The following EFTUD2 variants were observed in gnomAD, a reference collection of about 807,000 sequenced individuals.
EFTUD2 encodes elongation factor Tu GTP binding domain containing 2.
Under a neutral mutation model 114.3 loss-of-function variants are expected in EFTUD2, and 9 were observed. The observed-to-expected ratio is 0.08, with a 90% CI of 0.05 to 0.14. EFTUD2 has a LOEUF of 0.14. Among genes scored for constraint, EFTUD2 ranks in the 10% least tolerant of loss-of-function variants. EFTUD2 has a pLI of 1.00. For missense variants in EFTUD2, 765 were observed against 1,241.2 expected (o/e 0.62, Z 5.76); for synonymous variants, 449 against 462.3 (o/e 0.97, Z 0.37).
chr17:44,857,037 G>C, intron 20 of EFTUD2, 38 bp downstream of exon 20: 1 of 1,549,672 alleles, frequency 6.5e-7, no homozygotes. Context: ...GAGTGTCCAG[G>C]AGGCTGCAGT....
intron 2 of EFTUD2, 104 bp from the exon 3 acceptor site, chr17:44,886,854 C>A: frequency 6.7e-7 from 1 of 1,494,316 alleles, no homozygotes; most frequent in African/African-American, 1.4e-5. Flanking sequence ...TGCTGGCCAG[C>A]TTCTTATTCT....
chr17:44,873,405 G>A (rs908661373), intron 10 of EFTUD2, among the ~76,000 whole-genome samples: 5 of 152,148 alleles, frequency 3.3e-5, no homozygotes, highest in African/African-American at 1.2e-4. Flanking sequence ...GCCCAGGCTG[G>A]AGCACAGTGG....
At chr17:44,852,637 G>T in intron 25 of EFTUD2, 75 bp from the exon 26 acceptor site, 1 of 1,554,640 alleles carries the variant, frequency 6.4e-7, no homozygotes. Context: ...AGCATTTGCT[G>T]TCCCCCAAAT....
intron 20 of EFTUD2, among the ~76,000 whole-genome samples, chr17:44,856,612 AG>A (rs1431390502): frequency 6.6e-6 from 1 of 152,128 alleles, no homozygotes; most frequent in Non-Finnish European, 1.5e-5. Flanking sequence ...CCAAGATGGG[AG>A]GAACACTTGA....
intron 13 of EFTUD2, among the ~76,000 whole-genome samples, chr17:44,865,991 G>C (rs1306414375): frequency 6.6e-6 from 1 of 152,078 alleles, no homozygotes; most frequent in Non-Finnish European, 1.5e-5. Context: ...TATTTTGTGC[G>C]GAGATAAAGG....
chr17:44,859,062 C>T lies in EFTUD2; in HGVS notation c.1962+18G>A, dbSNP rs369215036. 1.7e-5 allele frequency: 27 copies of T among 1,557,650 alleles called. No homozygotes were observed. Among genetic ancestry groups the T allele is most frequent in the Admixed American group, 3.3e-5 (2 of 59,928 alleles). ...AAGTCTGGACCGTGAACCCAGCTCC[C>T]GGCAGATACTGCTGTACCTTGATGT... is the stretch of plus-strand genomic sequence containing the variant. On this transcript the variant is annotated intron_variant, in intron 19 of 27. Transcript: ENST00000426333.
chr17:44,882,455 C>T (rs2051089668), intron 6 of EFTUD2, among the ~76,000 whole-genome samples: 1 of 152,122 alleles, frequency 6.6e-6, no homozygotes, highest in Non-Finnish European at 1.5e-5. Context: ...AGAGTTTCGC[C>T]ATGTTGGCCA....
intron 19 of EFTUD2, chr17:44,857,565 C>A: frequency 4.5e-6 from 1 of 223,810 alleles, no homozygotes; most frequent in Non-Finnish European, 9.1e-6. Context: ...TGAAGCTCTG[C>A]CCTGAAGCCC....
chr17:44,892,052 G>C (rs1003992655), intron 2 of EFTUD2: 1 of 151,992 alleles, frequency 6.6e-6, no homozygotes, highest in African/African-American at 2.4e-5. Context: ...GAGCCACCAC[G>C]CCTGGCCTAT....
intron 4 of EFTUD2, 112 bp from the exon 5 acceptor site, chr17:44,883,836 G>A: frequency 1.1e-6 from 1 of 902,024 alleles, no homozygotes; most frequent in Non-Finnish European, 1.8e-6. Context: ...CAGACCAACT[G>A]GAGAGTGCTC....
intron 6 of EFTUD2, 112 bp from the exon 7 acceptor site, chr17:44,881,834 A>AAG (rs757368572): frequency 2.3e-4 from 225 of 980,368 alleles, no homozygotes; most frequent in South Asian, 1.6e-3. Context: ...TTTGAGATTA[A>AAG]AGAGAGAGAG....
intron 8 of EFTUD2, 59 bp downstream of exon 8, chr17:44,880,495 G>T: frequency 7.4e-7 from 1 of 1,344,698 alleles, no homozygotes; most frequent in Non-Finnish European, 1.1e-6. Context: ...CGAAAAGTGA[G>T]AGGACACACG....
chr17:44,862,560 T>C (rs1402345515), intron 16 of EFTUD2, among the ~76,000 whole-genome samples, 153 bp downstream of exon 16: 1 of 152,170 alleles, frequency 6.6e-6, no homozygotes, highest in Non-Finnish European at 1.5e-5. Context: ...AGGAAGAACT[T>C]GAAGTCAATA....
intron 2 of EFTUD2, among the ~76,000 whole-genome samples, chr17:44,892,487 A>C (rs2051296516): frequency 6.6e-6 from 1 of 152,284 alleles, no homozygotes; most frequent in Middle Eastern, 3.4e-3. Flanking sequence ...TGTTCTTTTC[A>C]CTAGGACATC....
intron 27 of EFTUD2, 63 bp downstream of exon 27, chr17:44,851,647 G>T (rs763479811): frequency 1.4e-6 from 2 of 1,436,632 alleles, no homozygotes; most frequent in East Asian, 2.4e-5. Context: ...GAAAGAGAGA[G>T]AGATCCTGCT....
intron 1 of EFTUD2, among the ~76,000 whole-genome samples, chr17:44,895,076 A>C (rs958771741): frequency 6.6e-6 from 1 of 152,292 alleles, no homozygotes; most frequent in Non-Finnish European, 1.5e-5. Context: ...CTGTTTTTAC[A>C]TGGCCCTCAA....
chr17:44,851,885 C>A, intron 26 of EFTUD2, 68 bp from the exon 27 acceptor site: 1 of 1,311,648 alleles, frequency 7.6e-7, no homozygotes, highest in African/African-American at 1.5e-5. Flanking sequence ...AGAAGCAGGA[C>A]TCTTCTTATT....
rs1408054257 is a variant in EFTUD2, at chr17:44,879,572, A to G, written c.686T>C (p.Ile229Thr). ...LRISDGVVLF[I>T]DAAEGVMLNT... ...CTGACTCACCCCCTCAGCAGCATCA[A>G]TGAAAAGGACCACTCCATCTGAGAT... is the stretch of plus-strand genomic sequence containing the variant. The change falls in exon 9 of 28, where the codon ATT (isoleucine) becomes ACT (threonine). Residue 229 changes from isoleucine (I) to threonine (T), a missense_variant. Around this residue, in one of 6 missense-constraint regions of EFTUD2, gnomAD observed 251 missense variants for 357.7 expected, o/e 0.70. Coordinates refer to ENST00000426333, the MANE Select transcript of EFTUD2 (RefSeq NM_004247.4). 2 of 1,613,984 alleles carry G rather than the reference A, an allele frequency of 1.2e-6. No individual in the cohort carries two copies. The highest frequency in any genetic ancestry group is 8.5e-7 in the Non-Finnish European group (1 of 1,179,962).
rs748805788 is a variant in EFTUD2 at position 44,860,410 on chromosome 17, T to C, written c.1719+22A>G. On this transcript the variant is annotated intron_variant, in intron 17 of 27. Transcript: ENST00000426333. ...GACCATCTAGCTTAAGCCAACCCAGTTGGTCTCTTCAGAAACTCTACCTCC... is the reference window on the plus strand; with the variant it reads ...GACCATCTAGCTTAAGCCAACCCAGCTGGTCTCTTCAGAAACTCTACCTCC... 55 of 1,559,298 alleles carry C rather than the reference T, an allele frequency of 3.5e-5. 1 individual carries two copies. The highest frequency in any genetic ancestry group is 4.8e-5 in the Non-Finnish European group (54 of 1,130,364).
Sources: allele counts gnomAD v4.1 joint callset (sites outside exome capture counted in the v4.1 genomes callset), GRCh38; gene constraint gnomAD v4.1.1; regional missense constraint gnomAD v4.1.1; transcripts MANE v1.5; gene names NCBI Gene and HGNC (gene_info 2026-07-23, HGNC 2026-07-21).